The following PDE4B variants were observed in gnomAD, a reference collection of about 807,000 sequenced individuals.
PDE4B encodes the protein phosphodiesterase 4B.
PDE4B carries 20 observed loss-of-function variants against 82.2 expected under a neutral mutation model. The ratio of observed to expected loss-of-function variants is 0.24; its 90% CI spans 0.17 to 0.35. PDE4B has a LOEUF of 0.35. PDE4B is among the 10% of genes least tolerant of loss of function. The pLI is 1.00. For missense variants in PDE4B, 655 were observed against 907.2 expected (o/e 0.72, Z 3.57); for synonymous variants, 320 against 318.9 (o/e 1.00, Z -0.04).
chr1:66,105,699 G>A lies in PDE4B; in HGVS notation c.282-141761G>A, dbSNP rs547078338. The stretch of plus-strand genomic sequence containing the variant: ...TCCTAGGTATTTTATTCTCGTTGAA[G>A]CAATTGTGAATGGGAGTTCACTCAT... On this transcript the variant is annotated intron_variant, in intron 3 of 16. Transcript: ENST00000341517. Among the ~76,000 whole-genome samples, 89 of 152,258 alleles carry A rather than the reference G, an allele frequency of 5.8e-4. No individual in the cohort carries two copies. In the East Asian group the frequency reaches 0.015, roughly 26 times the overall value.
chr1:65,824,594 A>G (rs1183970658), intron 1 of PDE4B, among the ~76,000 whole-genome samples: 2 of 150,464 alleles, frequency 1.3e-5, no homozygotes, highest in Admixed American at 6.6e-5. Context: ...AGTAATTTAT[A>G]TATGAATACT....
intron 3 of PDE4B, among the ~76,000 whole-genome samples, chr1:66,224,056 C>T (rs1196485901): frequency 6.6e-6 from 1 of 152,202 alleles, no homozygotes; most frequent in African/African-American, 2.4e-5. Context: ...GTTTACCTTA[C>T]ACCTTTTAGC....
chr1:66,090,967 C>G (rs1045030624), intron 3 of PDE4B, among the ~76,000 whole-genome samples: 1 of 151,794 alleles, frequency 6.6e-6, no homozygotes, highest in African/African-American at 2.4e-5. Flanking sequence ...GTCACCACAC[C>G]CCTTTCCCTA....
intron 1 of PDE4B, among the ~76,000 whole-genome samples, chr1:65,884,359 T>C (rs532557668): frequency 1.3e-5 from 2 of 152,242 alleles, no homozygotes. Flanking sequence ...TATTCAGGGA[T>C]TCAAGTTCTT....
chr1:66,072,866 G>T (rs755540019), intron 3 of PDE4B, among the ~76,000 whole-genome samples: 9 of 152,054 alleles, frequency 5.9e-5, no homozygotes, highest in Non-Finnish European at 1.3e-4. Flanking sequence ...TGCCATAATA[G>T]AAATGGGATC....
chr1:66,047,417 A>G (rs1033210117), intron 3 of PDE4B, among the ~76,000 whole-genome samples: 1 of 151,896 alleles, frequency 6.6e-6, no homozygotes, highest in Non-Finnish European at 1.5e-5. Flanking sequence ...TCCAAAGAGA[A>G]GGAAACATAA....
intron 3 of PDE4B, among the ~76,000 whole-genome samples, chr1:65,921,126 G>A (rs1267047544): frequency 3.3e-5 from 5 of 150,600 alleles, no homozygotes; most frequent in Non-Finnish European, 7.4e-5. Flanking sequence ...CTGCCACTAC[G>A]CCCGGCTAAT....
intron 3 of PDE4B, among the ~76,000 whole-genome samples, chr1:65,966,717 A>G (rs1649854984): frequency 1.3e-5 from 2 of 152,216 alleles, no homozygotes; most frequent in Non-Finnish European, 2.9e-5. Flanking sequence ...CCAATGGAAT[A>G]GAACAGAGGC....
chr1:66,145,283 A>G (rs1646247424), intron 3 of PDE4B, among the ~76,000 whole-genome samples: 1 of 152,168 alleles, frequency 6.6e-6, no homozygotes, highest in Admixed American at 6.5e-5. Context: ...TCTCCAGTGC[A>G]GGCACCTAAG....
chr1:65,849,215 T>C (rs1344122127), intron 1 of PDE4B, among the ~76,000 whole-genome samples: 1 of 152,144 alleles, frequency 6.6e-6, no homozygotes, highest in African/African-American at 2.4e-5. Flanking sequence ...GGGTAAGTGT[T>C]GATGGACAGG....
In PDE4B at chr1:66,042,042, T is replaced by C. The variant is rs538813296; in HGVS notation, c.281+123207T>C. ...CTTGATTCTATTTTTATTACAAAAGTTTAAAGATATATTTAATGAGACATT... is the reference window on the plus strand; with the variant it reads ...CTTGATTCTATTTTTATTACAAAAGCTTAAAGATATATTTAATGAGACATT... On this transcript the variant is annotated intron_variant, in intron 3 of 16. Coordinates refer to ENST00000341517, the MANE Select transcript of PDE4B (RefSeq NM_002600.4). Among the ~76,000 whole-genome samples, 35 of 152,032 alleles carry C rather than the reference T, an allele frequency of 2.3e-4. 1 individual carries two copies. The South Asian group carries it at 5.8e-3, about 25-fold the overall frequency.
chr1:65,845,888 G>T (rs903207894), intron 1 of PDE4B, among the ~76,000 whole-genome samples: 10 of 152,092 alleles, frequency 6.6e-5, no homozygotes, highest in African/African-American at 1.9e-4. Context: ...TTTTTCTCCA[G>T]TCCCTATGCA....
chr1:66,115,313 C>T (rs1645573858), intron 3 of PDE4B, among the ~76,000 whole-genome samples: 1 of 152,180 alleles, frequency 6.6e-6, no homozygotes, highest in Non-Finnish European at 1.5e-5. Flanking sequence ...GTCTGCATAT[C>T]TGGAGTTGAT....
At chr1:66,033,543 G>T (rs571142520) in intron 3 of PDE4B, among the ~76,000 whole-genome samples, 13 of 151,776 alleles carry the variant, frequency 8.6e-5, no homozygotes, top group Admixed American at 2.0e-4. Flanking sequence ...TAGATTAAAA[G>T]GTATCTTCTT....
chr1:66,160,306 C>A (rs1646584838), intron 3 of PDE4B, among the ~76,000 whole-genome samples: 1 of 152,186 alleles, frequency 6.6e-6, no homozygotes, highest in African/African-American at 2.4e-5. Flanking sequence ...CCTTTCAATC[C>A]TTTCAATTGC....
chr1:66,117,889 G>A (rs1557574253), intron 3 of PDE4B, among the ~76,000 whole-genome samples: 1 of 152,140 alleles, frequency 6.6e-6, no homozygotes, highest in South Asian at 2.1e-4. Flanking sequence ...TCGCCACACT[G>A]ACTTCCACAA....
intron 3 of PDE4B, among the ~76,000 whole-genome samples, chr1:65,998,637 T>G (rs1651687150): frequency 1.3e-5 from 2 of 152,104 alleles, no homozygotes; most frequent in Admixed American, 6.6e-5. Flanking sequence ...ACTTAACAAA[T>G]TATGGTTTAT....
At chr1:66,096,518 A>ATATATATATATATG (rs1645120631) in intron 3 of PDE4B, among the ~76,000 whole-genome samples, 1 of 137,626 alleles carries the variant, frequency 7.3e-6, no homozygotes, top group Non-Finnish European at 1.6e-5. Context: ...TTATATATAT[A>ATATATATATATATG]TATATATATA....
At chr1:66,299,212 C>T (rs1657718815) in intron 7 of PDE4B, among the ~76,000 whole-genome samples, 1 of 152,128 alleles carries the variant, frequency 6.6e-6, no homozygotes, top group African/African-American at 2.4e-5. Context: ...CTTACCCAAA[C>T]TCTCTGTCTT....
Sources: allele counts gnomAD v4.1 joint callset (sites outside exome capture counted in the v4.1 genomes callset), GRCh38; gene constraint gnomAD v4.1.1; transcripts MANE v1.5; gene names NCBI Gene and HGNC (gene_info 2026-07-23, HGNC 2026-07-21).